Variants in MANBA observed in about 807,000 individuals in gnomAD.
MANBA encodes mannosidase beta.
In MANBA, 83 loss-of-function variants were observed where a neutral mutation model predicts 111.1. The ratio of observed to expected loss-of-function variants is 0.75; its 90% CI spans 0.63 to 0.90. MANBA has a LOEUF of 0.90. Ranked by LOEUF, MANBA falls within the 40% of genes least tolerant of loss-of-function variation. MANBA has a pLI of 0.00. For synonymous variants in MANBA, 370 were observed against 378.7 expected (o/e 0.98, Z 0.27); for missense variants, 1,036 against 1,069.0 (o/e 0.97, Z 0.43).
At chr4:102,695,121 C>T (rs1052813752) in intron 5 of MANBA, among the ~76,000 whole-genome samples, 3 of 152,148 alleles carry the variant, frequency 2.0e-5, no homozygotes, top group Non-Finnish European at 4.4e-5. Context: ...ACTGCTCCTT[C>T]GTTCAGAGTA....
At chr4:102,754,111 G>T in intron 1 of MANBA, 2 of 248,860 alleles carry the variant, frequency 8.0e-6, no homozygotes, top group Non-Finnish European at 8.2e-6. Context: ...AACGTATAAA[G>T]GTATTTGACC....
At chr4:102,697,929 C>T (rs1226415038) in intron 5 of MANBA, among the ~76,000 whole-genome samples, 6 of 151,882 alleles carry the variant, frequency 4.0e-5, no homozygotes, top group African/African-American at 1.2e-4. Flanking sequence ...TGAGGAATCG[C>T]CACACTGACT....
At chr4:102,659,560 C>G (rs1730828016) in intron 11 of MANBA, among the ~76,000 whole-genome samples, 1 of 152,056 alleles carries the variant, frequency 6.6e-6, no homozygotes, top group Non-Finnish European at 1.5e-5. Context: ...CTTAATCTCC[C>G]TCTACTGCCC....
At chr4:102,644,877 T>C (rs919541376) in intron 13 of MANBA, among the ~76,000 whole-genome samples, 1 of 152,040 alleles carries the variant, frequency 6.6e-6, no homozygotes, top group Non-Finnish European at 1.5e-5. Flanking sequence ...CACAAATATA[T>C]ATTTTTAATT....
chr4:102,704,919 T>C (rs926104148), intron 5 of MANBA, among the ~76,000 whole-genome samples: 7 of 152,254 alleles, frequency 4.6e-5, no homozygotes, highest in African/African-American at 1.2e-4. Flanking sequence ...TATTTCTCTA[T>C]GTTAAGTACA....
chr4:102,723,919 T>C lies in MANBA; in HGVS notation c.321A>G (p.Ser107=), dbSNP rs1268293574. The change falls in exon 3 of 17, where the codon TCA becomes TCG. Residue 107 remains serine, a synonymous_variant. Coordinates refer to ENST00000647097, the MANE Select transcript of MANBA (RefSeq NM_005908.4). ...NLILEGVDTV[S]KILFNEVTIG... is the part of the protein sequence containing the mutation. Reference sequence around the variant, plus strand: ...TAGTGACTTCATTGAACAGGATTTTTGAAACCGTATCCACTCCCTCAAGAA... The same window carrying C: ...TAGTGACTTCATTGAACAGGATTTTCGAAACCGTATCCACTCCCTCAAGAA... The C allele has an allele frequency of 6.2e-7, 1 of 1,612,006 alleles. No individual in the cohort carries two copies. Among genetic ancestry groups the C allele is most frequent in the Non-Finnish European group, 8.5e-7 (1 of 1,178,392 alleles).
intron 10 of MANBA, chr4:102,665,209 A>T (rs1002663789): frequency 4.1e-6 from 1 of 242,746 alleles, no homozygotes; most frequent in Non-Finnish European, 8.1e-6. Context: ...AAGGCAGGAG[A>T]CATTATATTT....
At chr4:102,709,351 G>GAAGGAAGAA (rs1721928151) in intron 5 of MANBA, among the ~76,000 whole-genome samples, 3 of 127,586 alleles carry the variant, frequency 2.4e-5, no homozygotes, top group Admixed American at 1.6e-4. Context: ...AGGAAGGAAG[G>GAAGGAAGAA]AAGAAAAGAA....
intron 5 of MANBA, among the ~76,000 whole-genome samples, chr4:102,710,732 AC>A (rs1470106932): frequency 6.6e-6 from 1 of 152,006 alleles, no homozygotes; most frequent in Non-Finnish European, 1.5e-5. Flanking sequence ...AGAAGGCATC[AC>A]ACTACCTGAA....
intron 4 of MANBA, 72 bp from the exon 5 acceptor site, chr4:102,714,633 CT>C: frequency 6.9e-7 from 1 of 1,453,406 alleles, no homozygotes; most frequent in Non-Finnish European, 9.6e-7. Flanking sequence ...AAAACATTTT[CT>C]TTAAAAATGT....
chr4:102,700,505 A>C (rs1261370400), intron 5 of MANBA, among the ~76,000 whole-genome samples: 1 of 151,566 alleles, frequency 6.6e-6, no homozygotes, highest in Non-Finnish European at 1.5e-5. Flanking sequence ...TAGTGCTATA[A>C]ATTTCCCTCT....
At position 102,690,670 on chromosome 4, in the gene MANBA, G is replaced by T; in HGVS notation, c.775C>A (p.Gln259Lys). 6.2e-7 allele frequency: 1 copy of T among 1,611,546 alleles called. No individual in the cohort carries two copies. The highest frequency in any genetic ancestry group is 8.5e-7 in the Non-Finnish European group (1 of 1,178,128). ...GQVIVAIPKL[Q>K]TQQTYSIELQ... ...TCAATGCTGTATGTCTGTTGTGTTT[G>T]CAACTTAGGGATGGCTACGATCACT... The change falls in exon 6 of 17, where the codon CAA (glutamine) becomes AAA (lysine). Residue 259 changes from glutamine (Q) to lysine (K), a missense_variant. Gln to Lys is a moderately conservative substitution (Grantham distance 53, BLOSUM62 1). Transcript: ENST00000647097.
Position 102,730,843 on chromosome 4 carries a change from G to A in MANBA, c.178-4160C>T, listed in dbSNP as rs1364687447. On this transcript the variant is annotated intron_variant, in intron 1 of 16. Transcript: ENST00000647097. ...ACTCAACTATCTTGTTCTTCCTTGC[G>A]CCTAGTTACCATAAACAGCCTACCC... 8.2e-5 allele frequency: 31 copies of A among 378,612 alleles called. 2 individuals carry two copies. The highest frequency in any genetic ancestry group is 7.4e-4 in the Admixed American group (22 of 29,816). 23.5% of individuals were successfully genotyped at this position (378,612 alleles called of 1,614,324 possible). A position where few individuals can be genotyped will look rare whatever the true frequency, so the allele number is the denominator to read the frequency against.
chr4:102,730,887 T>C lies in MANBA; in HGVS notation c.178-4204A>G, dbSNP rs552537463. Among the ~76,000 whole-genome samples the C allele has an allele frequency of 2.6e-5, 4 of 152,284 alleles. No individual in the cohort carries two copies. In the East Asian group the frequency reaches 7.7e-4, roughly 29 times the overall value. On this transcript the variant is annotated intron_variant, in intron 1 of 16. Transcript: ENST00000647097. The stretch of plus-strand genomic sequence containing the variant: ...CCTACCCGCTTCCCGTCAGCTCTAA[T>C]CAATAACTCACATCTGTTCCCTTGG...
At chr4:102,727,800 C>T (rs1722867093) in intron 1 of MANBA, 3 of 655,376 alleles carry the variant, frequency 4.6e-6, no homozygotes, top group Non-Finnish European at 8.3e-6. Context: ...GCTTTTAAAA[C>T]ATTCTGATGG....
In MANBA at chr4:102,664,709, T is replaced by G. The variant is rs369062281; in HGVS notation, c.1461A>C (p.Lys487Asn). 4.3e-6 allele frequency: 7 copies of G among 1,613,190 alleles called. No individual in the cohort carries two copies. Among genetic ancestry groups the G allele is most frequent in the Non-Finnish European group, 5.9e-6 (7 of 1,179,194 alleles). Residue 487 changes from lysine (K) to asparagine (N), a missense_variant, in exon 11 of 17, where the codon AAA becomes AAC. Lys to Asn is a moderately conservative substitution (Grantham distance 94, BLOSUM62 0). Transcript: ENST00000647097. ...YIKDYVTLYV[K>N]NIRELVLAGD... The stretch of plus-strand genomic sequence containing the variant: ...CTGCCAGTACGAGCTCTCTGATGTT[T>G]TTCACATAGAGTGTCACATAGTCCT...
intron 5 of MANBA, among the ~76,000 whole-genome samples, chr4:102,712,644 G>A (rs537405411): frequency 1.3e-5 from 2 of 151,676 alleles, no homozygotes; most frequent in African/African-American, 4.8e-5. Context: ...TCAGCCTCTC[G>A]AGTAGCTGGG....
chr4:102,727,601 C>G (rs1458272685), intron 1 of MANBA: 1 of 1,598,930 alleles, frequency 6.3e-7, no homozygotes, highest in African/African-American at 1.3e-5. Context: ...CTTTTGGGCT[C>G]GGGAGACAGG....
chr4:102,664,113 G>A (rs1007590404), intron 11 of MANBA, among the ~76,000 whole-genome samples: 3 of 152,102 alleles, frequency 2.0e-5, no homozygotes, highest in Non-Finnish European at 2.9e-5. Flanking sequence ...TGGGATCCAC[G>A]GATGGACTCC....
Sources: gnomAD v4.1 joint callset for allele counts (sites outside exome capture counted in the v4.1 genomes callset) on GRCh38, gnomAD v4.1.1 for gene constraint, MANE v1.5 for transcripts, NCBI Gene and HGNC (gene_info 2026-07-23, HGNC 2026-07-21) for gene names.